Variants in OPCML observed in about 807,000 individuals in gnomAD.
OPCML encodes opioid binding protein/cell adhesion molecule like.
A neutral mutation model predicts 37.8 loss-of-function variants in OPCML; 13 were observed. That is an observed-to-expected ratio of 0.34 (90% CI 0.22 to 0.55). The LOEUF (loss-of-function observed/expected upper bound fraction) is 0.55. Among genes scored for constraint, OPCML ranks in the 20% least tolerant of loss-of-function variants. OPCML has a pLI of 0.91. For synonymous variants in OPCML, 176 were observed against 168.8 expected (o/e 1.04, Z -0.33); for missense variants, 341 against 435.6 (o/e 0.78, Z 1.93).
intron 3 of OPCML, among the ~76,000 whole-genome samples, chr11:132,649,951 ACAG>A (rs1172696648): frequency 6.6e-6 from 1 of 151,654 alleles, no homozygotes; most frequent in Non-Finnish European, 1.5e-5. Context: ...ACACACACAC[ACAG>A]TTTTCATGTC....
chr11:133,357,258 G>A (rs960756610), intron 1 of OPCML, among the ~76,000 whole-genome samples: 3 of 152,178 alleles, frequency 2.0e-5, no homozygotes, highest in African/African-American at 7.2e-5. Context: ...ACTTTGACCA[G>A]GGTTCAAACC....
intron 1 of OPCML, among the ~76,000 whole-genome samples, chr11:133,247,535 C>T (rs895686518): frequency 2.6e-3 from 151 of 58,898 alleles, no homozygotes; most frequent in African/African-American, 8.7e-3. Context: ...TCTTTCTTTC[C>T]TTCTTTTTCT....
rs369000212 is a variant in OPCML, at chr11:132,584,014, C to T, written c.380-54828G>A. ...TGTGGCATCTAAGAATAAAACTCTA[C>T]ATAATTCCAAAATTTAGCATATTAA... is the stretch of plus-strand genomic sequence containing the variant. On this transcript the variant is annotated intron_variant, in intron 3 of 7. Coordinates refer to ENST00000524381, the MANE Select transcript of OPCML (RefSeq NM_001012393.5). Among the ~76,000 whole-genome samples, 5 of 152,150 alleles carry T rather than the reference C, an allele frequency of 3.3e-5. No homozygotes were observed. The East Asian group carries it at 5.8e-4, about 18-fold the overall frequency.
At chr11:133,434,788 T>TTATATATA (rs1388445894) in intron 1 of OPCML, among the ~76,000 whole-genome samples, 1 of 119,202 alleles carries the variant, frequency 8.4e-6, no homozygotes, top group African/African-American at 3.6e-5. Context: ...AAAAAAAAAA[T>TTATATATA]TATATATATG....
intron 1 of OPCML, among the ~76,000 whole-genome samples, chr11:132,965,050 C>T (rs1385790562): frequency 2.0e-5 from 3 of 152,158 alleles, no homozygotes; most frequent in South Asian, 2.1e-4. Context: ...AGATAGTAAC[C>T]ATTTTCTACA....
At chr11:132,595,886 A>G (rs553404143) in intron 3 of OPCML, among the ~76,000 whole-genome samples, 53 of 152,352 alleles carry the variant, frequency 3.5e-4, no homozygotes, top group Middle Eastern at 3.4e-3. Context: ...CATGGACAGC[A>G]TATGCCTGAA....
intron 1 of OPCML, among the ~76,000 whole-genome samples, chr11:133,097,730 T>TGTTG (rs1949025184): frequency 6.6e-6 from 1 of 152,110 alleles, no homozygotes; most frequent in African/African-American, 2.4e-5. Context: ...TAAAGAAATA[T>TGTTG]GAACAACTCT....
chr11:132,935,356 C>G (rs1945336582), intron 2 of OPCML, among the ~76,000 whole-genome samples: 1 of 152,096 alleles, frequency 6.6e-6, no homozygotes. Flanking sequence ...GTAATTACTT[C>G]TGCAACAACG....
intron 1 of OPCML, among the ~76,000 whole-genome samples, chr11:133,187,767 C>T (rs1274268100): frequency 1.3e-5 from 2 of 152,194 alleles, no homozygotes; most frequent in Non-Finnish European, 2.9e-5. Context: ...TGTACAACTT[C>T]TAAAGAGCTA....
chr11:133,036,007 C>T (rs1947777278), intron 1 of OPCML, among the ~76,000 whole-genome samples: 1 of 152,156 alleles, frequency 6.6e-6, no homozygotes, highest in Admixed American at 6.5e-5. Flanking sequence ...ATGTTTAAGC[C>T]ACTCATCCTG....
intron 1 of OPCML, among the ~76,000 whole-genome samples, chr11:133,354,997 A>G (rs1208509525): frequency 6.6e-6 from 1 of 152,258 alleles, no homozygotes; most frequent in Non-Finnish European, 1.5e-5. Context: ...AATAAAAAGA[A>G]AATGACTAGC....
Position 132,966,995 on chromosome 11 carries a change from C to T in OPCML, c.62-23985G>A, listed in dbSNP as rs192833930. ...TTTTATCAAGTCTAACAATCTCTGC[C>T]TTTTGATTGTTTAATCTAGTCACAT... On this transcript the variant is annotated intron_variant, in intron 1 of 7. Transcript: ENST00000524381. Among the ~76,000 whole-genome samples, 224 of 152,054 alleles carry T rather than the reference C, an allele frequency of 1.5e-3. 1 individual carries two copies. Among genetic ancestry groups the T allele is most frequent in the Middle Eastern group, 0.014 (4 of 294 alleles).
intron 4 of OPCML, among the ~76,000 whole-genome samples, chr11:132,521,467 A>G (rs1409735561): frequency 6.6e-6 from 1 of 152,216 alleles, no homozygotes; most frequent in Admixed American, 6.5e-5. Flanking sequence ...GCCATAAAAA[A>G]GAATGAGATC....
intron 1 of OPCML, among the ~76,000 whole-genome samples, chr11:133,228,813 C>T (rs1442892591): frequency 6.6e-6 from 1 of 152,252 alleles, no homozygotes; most frequent in Non-Finnish European, 1.5e-5. Context: ...TAAAATATCC[C>T]TTCTCCTCTG....
At chr11:133,050,500 A>C (rs1565418915) in intron 1 of OPCML, among the ~76,000 whole-genome samples, 1 of 152,046 alleles carries the variant, frequency 6.6e-6, no homozygotes, top group East Asian at 1.9e-4. Context: ...ATGCTGGGGG[A>C]GTGGTCTGAT....
chr11:133,100,387 T>C (rs1342160802), intron 1 of OPCML, among the ~76,000 whole-genome samples: 2 of 152,208 alleles, frequency 1.3e-5, no homozygotes, highest in African/African-American at 4.8e-5. Context: ...CCCAACTTAA[T>C]GTATAGATTA....
intron 3 of OPCML, among the ~76,000 whole-genome samples, chr11:132,589,599 G>A (rs1459089948): frequency 6.6e-6 from 1 of 152,206 alleles, no homozygotes; most frequent in Non-Finnish European, 1.5e-5. Context: ...GGCTCTCTGA[G>A]GAGGTAACAT....
chr11:132,597,658 T>G (rs1489117096), intron 3 of OPCML, among the ~76,000 whole-genome samples: 1 of 152,154 alleles, frequency 6.6e-6, no homozygotes, highest in Admixed American at 6.5e-5. Context: ...GTGACAATTG[T>G]GATGGTAAAT....
At chr11:133,374,202 T>G (rs1272475525) in intron 1 of OPCML, among the ~76,000 whole-genome samples, 1 of 152,046 alleles carries the variant, frequency 6.6e-6, no homozygotes, top group Non-Finnish European at 1.5e-5. Context: ...AATCTTGAAA[T>G]AATTATGTTC....
Sources: gnomAD v4.1 joint callset for allele counts (sites outside exome capture counted in the v4.1 genomes callset) on GRCh38, gnomAD v4.1.1 for gene constraint, MANE v1.5 for transcripts, NCBI Gene and HGNC (gene_info 2026-07-23, HGNC 2026-07-21) for gene names.